The following SH3RF3 variants were observed in gnomAD, a reference collection of about 807,000 sequenced individuals.
SH3RF3 encodes E3 ubiquitin-protein ligase SH3RF3.
Under a neutral mutation model 66.3 loss-of-function variants are expected in SH3RF3, and 29 were observed. The observed-to-expected ratio is 0.44, with a 90% confidence interval of 0.33 to 0.60. The LOEUF is 0.60. SH3RF3 is among the 20% of genes least tolerant of loss of function. The pLI is 0.04. For missense variants in SH3RF3, 1,194 were observed against 1,190.9 expected (o/e 1.00, Z -0.04); for synonymous variants, 583 against 532.0 (o/e 1.10, Z -1.32).
At chr2:109,170,290 T>TCC (rs773552101) in intron 1 of SH3RF3, among the ~76,000 whole-genome samples, 2 of 116,470 alleles carry the variant, frequency 1.7e-5, no homozygotes, top group African/African-American at 3.0e-5. Context: ...TTCTCTTCTC[T>TCC]TCTCTTCTCT....
chr2:109,262,874 C>G (rs1680391793), intron 1 of SH3RF3, among the ~76,000 whole-genome samples: 1 of 152,028 alleles, frequency 6.6e-6, no homozygotes, highest in Non-Finnish European at 1.5e-5. Flanking sequence ...CCTCTGTTGT[C>G]CAGGCTGGAG....
At chr2:109,181,646 C>A (rs1468597555) in intron 1 of SH3RF3, among the ~76,000 whole-genome samples, 3 of 152,178 alleles carry the variant, frequency 2.0e-5, no homozygotes, top group African/African-American at 7.2e-5. Context: ...ATGCCTGTTG[C>A]CGAACACACC....
chr2:109,206,825 C>T lies in SH3RF3; in HGVS notation c.573+76712C>T, dbSNP rs547580674. Among the ~76,000 whole-genome samples, 3 of 152,302 alleles carry T rather than the reference C, an allele frequency of 2.0e-5. No homozygotes were observed. In the East Asian group the frequency reaches 5.8e-4, roughly 29 times the overall value. On this transcript the variant is annotated intron_variant, in intron 1 of 9. Coordinates refer to ENST00000309415, the MANE Select transcript of SH3RF3 (RefSeq NM_001099289.3). ...GAGAGAGACACTATTAGTTACTTAA[C>T]TCTGGCATTTGCTATTTCTGCACTA...
chr2:109,454,507 C>T (rs1352813374), intron 8 of SH3RF3, among the ~76,000 whole-genome samples: 1 of 152,214 alleles, frequency 6.6e-6, no homozygotes, highest in East Asian at 1.9e-4. Context: ...TGACCAAGTC[C>T]ACACGGTGAG....
At chr2:109,306,905 G>A (rs6542813) in intron 1 of SH3RF3, among the ~76,000 whole-genome samples, 45,920 of 151,810 alleles carry the variant, frequency 0.3, 8,351 homozygotes, top group African/African-American at 0.52. Flanking sequence ...CGGTAGGGCC[G>A]CGGCATGCAT....
chr2:109,263,176 G>T (rs1680401910), intron 1 of SH3RF3, among the ~76,000 whole-genome samples: 1 of 152,138 alleles, frequency 6.6e-6, no homozygotes. Flanking sequence ...GTTAAGAACG[G>T]CAGAGACATG....
chr2:109,424,259 C>T (rs1455159310), intron 5 of SH3RF3, among the ~76,000 whole-genome samples: 2 of 152,214 alleles, frequency 1.3e-5, no homozygotes, highest in East Asian at 3.9e-4. Flanking sequence ...TTCAGGCTGC[C>T]CTTTGAAGGG....
At chr2:109,254,080 A>G (rs1052823145) in intron 1 of SH3RF3, among the ~76,000 whole-genome samples, 3 of 152,058 alleles carry the variant, frequency 2.0e-5, no homozygotes, top group African/African-American at 7.2e-5. Flanking sequence ...TTTCTGACCC[A>G]CATGAGAATT....
intron 7 of SH3RF3, among the ~76,000 whole-genome samples, chr2:109,440,049 A>G (rs1307671739): frequency 2.6e-5 from 4 of 152,158 alleles, no homozygotes; most frequent in African/African-American, 9.7e-5. Flanking sequence ...GACAAAAGAG[A>G]AAGGAGGTTC....
intron 1 of SH3RF3, among the ~76,000 whole-genome samples, chr2:109,347,052 G>A (rs1682726909): frequency 6.6e-6 from 1 of 152,192 alleles, no homozygotes; most frequent in African/African-American, 2.4e-5. Flanking sequence ...TCCTCTGAGT[G>A]GAACGCTCAG....
chr2:109,186,518 G>C lies in SH3RF3; in HGVS notation c.573+56405G>C, dbSNP rs372202061. Among the ~76,000 whole-genome samples, 4 of 152,340 alleles carry C rather than the reference G, an allele frequency of 2.6e-5. No homozygotes were observed. The East Asian group carries it at 5.8e-4, about 22-fold the overall frequency. ...GAAAGCATGTAGGGCCAGTTACCCAGACCTTGATTTAGAAAGTCAATTCTG... is the reference window on the plus strand; with the variant it reads ...GAAAGCATGTAGGGCCAGTTACCCACACCTTGATTTAGAAAGTCAATTCTG... On this transcript the variant is annotated intron_variant, in intron 1 of 9. Coordinates refer to ENST00000309415, the MANE Select transcript of SH3RF3 (RefSeq NM_001099289.3).
intron 8 of SH3RF3, among the ~76,000 whole-genome samples, chr2:109,487,891 C>T (rs1248169267): frequency 1.4e-4 from 21 of 151,842 alleles, no homozygotes; most frequent in African/African-American, 4.9e-4. Context: ...GGTGGGGATA[C>T]TGCAGTGAAC....
At chr2:109,355,907 G>A (rs1311240656) in intron 2 of SH3RF3, among the ~76,000 whole-genome samples, 1 of 152,206 alleles carries the variant, frequency 6.6e-6, no homozygotes, top group Non-Finnish European at 1.5e-5. Context: ...TTTGTAACAT[G>A]AGGACAAATC....
intron 1 of SH3RF3, among the ~76,000 whole-genome samples, chr2:109,160,269 C>G (rs921342501): frequency 2.0e-5 from 3 of 152,290 alleles, no homozygotes; most frequent in Admixed American, 2.0e-4. Flanking sequence ...GTGTGACAGA[C>G]AGGCATGAGG....
intron 1 of SH3RF3, among the ~76,000 whole-genome samples, chr2:109,170,438 C>T (rs1484213906): frequency 6.6e-6 from 1 of 152,036 alleles, no homozygotes; most frequent in Non-Finnish European, 1.5e-5. Context: ...CTCCGCCTCC[C>T]GGGTTCAAGT....
chr2:109,172,252 A>G (rs1197975987), intron 1 of SH3RF3, among the ~76,000 whole-genome samples: 1 of 152,198 alleles, frequency 6.6e-6, no homozygotes, highest in Non-Finnish European at 1.5e-5. Context: ...ATCAGCCGCC[A>G]CAGGGATCTG....
chr2:109,418,497 C>T (rs72824746), intron 4 of SH3RF3, among the ~76,000 whole-genome samples: 7,154 of 152,166 alleles, frequency 0.047, 230 homozygotes, highest in Non-Finnish European at 0.073. Flanking sequence ...CAGCACCCCT[C>T]GGCTTGTGGA....
chr2:109,449,633 A>T, intron 8 of SH3RF3, 144 bp downstream of exon 8: 3 of 1,134,288 alleles, frequency 2.6e-6, no homozygotes, highest in Non-Finnish European at 2.4e-6. Context: ...CAGGCGTGTG[A>T]CAGAGAGGGA....
At chr2:109,397,305 A>G (rs1424922429) in intron 3 of SH3RF3, among the ~76,000 whole-genome samples, 1 of 152,082 alleles carries the variant, frequency 6.6e-6, no homozygotes, top group Admixed American at 6.5e-5. Flanking sequence ...TTTTTCTGCT[A>G]CTTCTGGAAA....
Sources: gnomAD v4.1 joint callset for allele counts (sites outside exome capture counted in the v4.1 genomes callset) on GRCh38, gnomAD v4.1.1 for gene constraint, MANE v1.5 for transcripts, NCBI Gene and HGNC (gene_info 2026-07-23, HGNC 2026-07-21) for gene names.